MED13L: variants seen among roughly 807,000 people sequenced by gnomAD.
The protein encoded by MED13L is mediator of RNA polymerase II transcription subunit 13-like.
Under a neutral mutation model 220.9 loss-of-function variants are expected in MED13L, and 7 were observed. That is an observed-to-expected ratio of 0.03 (90% CI 0.02 to 0.06). The LOEUF is 0.06. MED13L is among the 10% of genes least tolerant of loss of function. The probability of loss-of-function intolerance (pLI) is 1.00; values close to 1 mark genes in which losing one functional copy is unlikely to be tolerated. For synonymous variants in MED13L, 1,011 were observed against 1,015.2 expected, an observed-to-expected ratio of 1.00 and a Z score of 0.08; for missense variants, 1,965 against 2,760.5, an observed-to-expected ratio of 0.71 and a Z score of 6.46.
intron 11 of MED13L, chr12:116,006,690 G>A (rs1879067401): frequency 8.0e-6 from 4 of 499,562 alleles, no homozygotes; most frequent in Non-Finnish European, 1.4e-5. Flanking sequence ...TTACAGACCT[G>A]CCATGGTGTT....
intron 2 of MED13L, among the ~76,000 whole-genome samples, chr12:116,206,074 CTTTTTTTTT>C (rs1160337465): frequency 1.1e-5 from 1 of 87,190 alleles, no homozygotes. Context: ...GTATTATTAC[CTTTTTTTTT>C]TTTTTTTTTT....
intron 4 of MED13L, among the ~76,000 whole-genome samples, chr12:116,034,825 G>T (rs945136257): frequency 6.6e-6 from 1 of 152,050 alleles, no homozygotes; most frequent in African/African-American, 2.4e-5. Context: ...GGCCAACATG[G>T]TGTAACCCTG....
Position 116,048,678 on chromosome 12 carries a change from C to A in MED13L, c.480-26077G>T, listed in dbSNP as rs184066013. On this transcript the variant is annotated intron_variant, in intron 4 of 30. Coordinates refer to ENST00000281928, the MANE Select transcript of MED13L (RefSeq NM_015335.5). ...GTTTTTTTTTTAATATGCAGAAAAACTCTTTGGAGTTCAGGGTTAAGGGCA... is the reference window on the plus strand; with the variant it reads ...GTTTTTTTTTTAATATGCAGAAAAAATCTTTGGAGTTCAGGGTTAAGGGCA... Among the ~76,000 whole-genome samples, 222 of 151,710 alleles carry A rather than the reference C, an allele frequency of 1.5e-3. 1 individual carries two copies. Among genetic ancestry groups the A allele is most frequent in the Non-Finnish European group, 2.6e-3 (178 of 67,918 alleles).
intron 2 of MED13L, among the ~76,000 whole-genome samples, chr12:116,210,665 C>A (rs1185356530): frequency 2.7e-5 from 4 of 149,900 alleles, no homozygotes; most frequent in African/African-American, 9.8e-5. Flanking sequence ...CAGCACCTAA[C>A]ATTAATCCTA....
Position 116,003,745 on chromosome 12 carries a change from T to C in MED13L, c.2470-643A>G, listed in dbSNP as rs1048851682. On this transcript the variant is annotated intron_variant, in intron 13 of 30. Transcript: ENST00000281928. ...TAAAGCAAAAAATGATTTTTACAAA[T>C]AGAAGGCCTTTTATTTATTTATACT... 2.6e-5 allele frequency among the ~76,000 whole-genome samples: 4 copies of C among 152,182 alleles called. No individual in the cohort carries two copies. In the East Asian group the frequency reaches 5.8e-4, roughly 22 times the overall value.
chr12:116,262,065 C>A (rs896757446), intron 1 of MED13L, among the ~76,000 whole-genome samples: 1 of 152,186 alleles, frequency 6.6e-6, no homozygotes, highest in African/African-American at 2.4e-5. Context: ...CCAATTCCTT[C>A]ATGTCCTTCA....
intron 14 of MED13L, 25 bp from the exon 15 acceptor site, chr12:115,997,255 T>C: frequency 2.5e-6 from 4 of 1,606,260 alleles, no homozygotes; most frequent in South Asian, 1.1e-5. Context: ...TAAAAAAAAT[T>C]TGTTTAATAG....
intron 2 of MED13L, among the ~76,000 whole-genome samples, chr12:116,233,009 C>G (rs1265592721): frequency 1.3e-5 from 2 of 151,252 alleles, no homozygotes; most frequent in African/African-American, 4.9e-5. Context: ...ATCATTTGAA[C>G]CCGGGAGGCA....
intron 3 of MED13L, among the ~76,000 whole-genome samples, chr12:116,109,474 A>G (rs1276270450): frequency 6.6e-6 from 1 of 152,092 alleles, no homozygotes; most frequent in African/African-American, 2.4e-5. Flanking sequence ...AAAGAATGTA[A>G]TTCATTTTCG....
chr12:115,986,930 G>C (rs1877729688), intron 18 of MED13L, among the ~76,000 whole-genome samples, 179 bp downstream of exon 18: 1 of 152,064 alleles, frequency 6.6e-6, no homozygotes, highest in African/African-American at 2.4e-5. Context: ...TGCCAAGGGT[G>C]GTAGGAAACT....
In MED13L at chr12:115,987,049, C is replaced by T. The variant is rs911067567; in HGVS notation, c.4114+60G>A. ...CGCAAGGACTTGACAGTAACTAACG[C>T]TGCTCTTCACTGAACAGCACTGAAG... On this transcript the variant is annotated intron_variant, in intron 18 of 30. Coordinates refer to ENST00000281928, the MANE Select transcript of MED13L (RefSeq NM_015335.5). 6.5e-6 allele frequency: 10 copies of T among 1,540,642 alleles called. No individual in the cohort carries two copies. The South Asian group carries it at 1.1e-4, about 17-fold the overall frequency.
chr12:116,234,275 C>T (rs144631227), intron 2 of MED13L, among the ~76,000 whole-genome samples: 2 of 151,926 alleles, frequency 1.3e-5, no homozygotes, highest in South Asian at 2.1e-4. Context: ...TGTTGCCCAG[C>T]AGAGTGCTGT....
intron 2 of MED13L, among the ~76,000 whole-genome samples, chr12:116,115,913 G>C (rs1338391564): frequency 6.6e-6 from 1 of 152,190 alleles, no homozygotes; most frequent in Non-Finnish European, 1.5e-5. Context: ...CTGCTGGTTG[G>C]AATGCAAAAA....
intron 4 of MED13L, among the ~76,000 whole-genome samples, chr12:116,025,113 C>G (rs185386948): frequency 2.0e-4 from 31 of 152,144 alleles, no homozygotes; most frequent in African/African-American, 7.5e-4. Context: ...AAATGGCCAA[C>G]AGGTATATAG....
rs1383906628 is a variant in MED13L, at chr12:115,983,508, T to G, written c.4564A>C (p.Ser1522Arg). 1 of 1,614,182 alleles carries G rather than the reference T, an allele frequency of 6.2e-7. No homozygotes were observed. Among genetic ancestry groups the G allele is most frequent in the East Asian group, 2.2e-5 (1 of 44,882 alleles). Reference sequence around the variant, plus strand: ...TGGTATTTAGGTGGTATCAATAGGCTGCTATCAAGCTGCAGAGTGGCTAAA... The same window carrying G: ...TGGTATTTAGGTGGTATCAATAGGCGGCTATCAAGCTGCAGAGTGGCTAAA... ...PYLATLQLDS[S>R]LLIPPKYQTP... Residue 1522 changes from serine to arginine, a missense_variant, in exon 21 of 31, where the codon AGC becomes CGC. By Grantham distance (110) the Ser-to-Arg change is moderately radical. Around this residue, in one of 10 missense-constraint regions of MED13L, gnomAD observed 510 missense variants for 620.4 expected, o/e 0.82. Transcript: ENST00000281928.
intron 4 of MED13L, among the ~76,000 whole-genome samples, chr12:116,057,676 TAGAC>T (rs1381063661): frequency 6.6e-6 from 1 of 151,706 alleles, no homozygotes; most frequent in Non-Finnish European, 1.5e-5. Flanking sequence ...GACATGGAGA[TAGAC>T]AGCCCTAAAG....
chr12:116,219,304 A>T (rs1883179790), intron 2 of MED13L, among the ~76,000 whole-genome samples: 1 of 152,208 alleles, frequency 6.6e-6, no homozygotes, highest in Non-Finnish European at 1.5e-5. Context: ...TTATTAGTAT[A>T]TATTTCTACA....
chr12:116,098,687 T>C (rs987317528), intron 3 of MED13L, among the ~76,000 whole-genome samples: 1 of 152,144 alleles, frequency 6.6e-6, no homozygotes, highest in Non-Finnish European at 1.5e-5. Flanking sequence ...ACTTAGAAAA[T>C]AAATTTCTAC....
intron 2 of MED13L, among the ~76,000 whole-genome samples, chr12:116,236,145 C>T (rs1355549879): frequency 6.6e-6 from 1 of 152,104 alleles, no homozygotes; most frequent in African/African-American, 2.4e-5. Flanking sequence ...AAGTTAACTG[C>T]TAACTACATA....
Sources: allele counts gnomAD v4.1 joint callset (sites outside exome capture counted in the v4.1 genomes callset), GRCh38; gene constraint gnomAD v4.1.1; regional missense constraint gnomAD v4.1.1; transcripts MANE v1.5; gene names NCBI Gene and HGNC (gene_info 2026-07-23, HGNC 2026-07-21).